The following TYW1 variants were observed in gnomAD, a reference collection of about 807,000 sequenced individuals.
TYW1 encodes S-adenosyl-L-methionine-dependent tRNA 4-demethylwyosine synthase TYW1.
In TYW1, 46 loss-of-function variants were observed where a neutral mutation model predicts 96.2. The ratio of observed to expected loss-of-function variants is 0.48; its 90% CI spans 0.38 to 0.61. TYW1 has a LOEUF of 0.61. TYW1 is among the 20% of genes least tolerant of loss of function. The pLI, the probability that TYW1 is intolerant of heterozygous loss-of-function variation, is 0.00. For missense variants in TYW1, 684 were observed against 909.6 expected (o/e 0.75, Z 3.19); for synonymous variants, 274 against 323.0 (o/e 0.85, Z 1.63).
chr7:67,170,150 A>G (rs1799472675), intron 13 of TYW1, among the ~76,000 whole-genome samples: 1 of 152,056 alleles, frequency 6.6e-6, no homozygotes, highest in Non-Finnish European at 1.5e-5. Context: ...TTGCCTGTGA[A>G]TAACTAGTTG....
chr7:67,209,828 T>C (rs1323680306), intron 15 of TYW1, among the ~76,000 whole-genome samples: 1 of 152,154 alleles, frequency 6.6e-6, no homozygotes, highest in Non-Finnish European at 1.5e-5. Context: ...CGCCTTGGCC[T>C]CTCAAATTGC....
intron 12 of TYW1, among the ~76,000 whole-genome samples, chr7:67,109,291 AAAAAGAAAG>A (rs1797332692): frequency 6.7e-6 from 1 of 149,708 alleles, no homozygotes; most frequent in Non-Finnish European, 1.5e-5. Context: ...AAAAAAAAAA[AAAAAGAAAG>A]AAAATATATT....
At chr7:67,169,584 A>G (rs1381072201) in intron 13 of TYW1, among the ~76,000 whole-genome samples, 3 of 152,162 alleles carry the variant, frequency 2.0e-5, no homozygotes, top group Non-Finnish European at 1.5e-5. Context: ...TATTTTTAGT[A>G]GAGATGGAGT....
intron 13 of TYW1, among the ~76,000 whole-genome samples, chr7:67,134,789 T>C (rs1798191755): frequency 6.6e-6 from 1 of 150,952 alleles, no homozygotes. Context: ...GTTTTTTTTT[T>C]TTTTAATAAT....
At position 67,002,047 on chromosome 7, in the gene TYW1, A is replaced by G. The variant is rs539275085; in HGVS notation, c.273+3093A>G. ...AGAACCTGTCTCAAACAAAAAAAAA[A>G]AAGGAAAGAAGAAAAAAAGAGATAG... is the stretch of plus-strand genomic sequence containing the variant. On this transcript the variant is annotated intron_variant, in intron 3 of 15. Coordinates refer to ENST00000359626, the MANE Select transcript of TYW1 (RefSeq NM_018264.4). 1.5e-3 allele frequency among the ~76,000 whole-genome samples: 226 copies of G among 150,990 alleles called. 2 individuals are homozygous for G. Among genetic ancestry groups the G allele is most frequent in the African/African-American group, 5.3e-3 (220 of 41,222 alleles).
chr7:67,070,216 CTT>C (rs575197728), intron 10 of TYW1, among the ~76,000 whole-genome samples: 109 of 152,242 alleles, frequency 7.2e-4, no homozygotes, highest in African/African-American at 2.6e-3. Flanking sequence ...GTATGGATCT[CTT>C]TGTGTTTGTA....
intron 13 of TYW1, among the ~76,000 whole-genome samples, chr7:67,145,764 G>GT (rs200905081): frequency 0.22 from 33,314 of 151,424 alleles, 3,711 homozygotes; most frequent in South Asian, 0.28. Flanking sequence ...GTTTGTTTGG[G>GT]GTTTTTTTGA....
chr7:67,212,707 A>T (rs1801075431), intron 15 of TYW1, among the ~76,000 whole-genome samples: 1 of 151,734 alleles, frequency 6.6e-6, no homozygotes, highest in South Asian at 2.1e-4. Context: ...AGCTATTCTA[A>T]TAGATTTGTA....
At position 67,063,698 on chromosome 7, in the gene TYW1, G is replaced by C. The variant is rs1379596026; in HGVS notation, c.1156-3587G>C. Among the ~76,000 whole-genome samples, 5 of 151,994 alleles carry C rather than the reference G, an allele frequency of 3.3e-5. No homozygotes were observed. The East Asian group carries it at 9.6e-4, about 29-fold the overall frequency. On this transcript the variant is annotated intron_variant, in intron 9 of 15. Transcript: ENST00000359626. ...GGCTCACTGCAAGTTCCGCCTTCCA[G>C]GTTCCCGTCATTCTCCTGCCTCAGC...
At chr7:67,231,790 C>T (rs1360657499) in intron 15 of TYW1, among the ~76,000 whole-genome samples, 7 of 151,412 alleles carry the variant, frequency 4.6e-5, no homozygotes, top group Admixed American at 4.6e-4. Flanking sequence ...AATGTGGAAA[C>T]TCATGTCCTT....
intron 7 of TYW1, among the ~76,000 whole-genome samples, chr7:67,035,921 C>T (rs1482893638): frequency 2.6e-5 from 4 of 151,310 alleles, no homozygotes; most frequent in Non-Finnish European, 4.4e-5. Flanking sequence ...TTATGATCCG[C>T]CCACCTTGGC....
chr7:67,116,333 A>AG (rs1797592568), intron 12 of TYW1, among the ~76,000 whole-genome samples: 1 of 150,418 alleles, frequency 6.6e-6, no homozygotes, highest in East Asian at 2.0e-4. Context: ...TCAAAAAAAA[A>AG]AAAAGAAAAG....
chr7:67,165,475 G>T (rs4718467), intron 13 of TYW1, among the ~76,000 whole-genome samples: 40,077 of 147,804 alleles, frequency 0.27, 5,984 homozygotes, highest in African/African-American at 0.39. Flanking sequence ...AACCAATTCC[G>T]TGTAACCATC....
chr7:67,168,215 C>T (rs1799411479), intron 13 of TYW1, among the ~76,000 whole-genome samples: 1 of 151,636 alleles, frequency 6.6e-6, no homozygotes, highest in African/African-American at 2.4e-5. Context: ...TGGTGAATTG[C>T]ATTGATTTTC....
chr7:67,006,200 G>A (rs1584453869), intron 3 of TYW1, among the ~76,000 whole-genome samples: 1 of 151,968 alleles, frequency 6.6e-6, no homozygotes, highest in Admixed American at 6.6e-5. Context: ...TACTGTCCTC[G>A]TGACAGTGAG....
intron 7 of TYW1, among the ~76,000 whole-genome samples, chr7:67,033,004 G>C (rs77803935): frequency 0.31 from 44,771 of 143,942 alleles, 6,999 homozygotes; most frequent in East Asian, 0.54. Flanking sequence ...TCAAGCGATT[G>C]TCCTGTGTAA....
chr7:67,197,092 T>C (rs2116348350), intron 15 of TYW1, among the ~76,000 whole-genome samples: 1 of 152,358 alleles, frequency 6.6e-6, no homozygotes, highest in Middle Eastern at 3.4e-3. Flanking sequence ...TCTTGGCCCC[T>C]GTCTCTTTAG....
intron 13 of TYW1, among the ~76,000 whole-genome samples, chr7:67,171,502 CCTTTGT>C (rs1313108605): frequency 6.6e-6 from 1 of 152,006 alleles, no homozygotes; most frequent in Non-Finnish European, 1.5e-5. Flanking sequence ...TGCTTTTACT[CCTTTGT>C]CTTTAATTGT....
chr7:66,998,890 A>G lies in TYW1; in HGVS notation c.209A>G (p.Gln70Arg), dbSNP rs749527876. The G allele has an allele frequency of 2.5e-6, 4 of 1,614,006 alleles. No homozygotes were observed. The highest frequency in any genetic ancestry group is 1.7e-5 in the Admixed American group (1 of 59,994). Reference protein sequence around the residue: ...DLMTNGYVSLQEKDIFVSGVK... With the variant: ...DLMTNGYVSLREKDIFVSGVK... Reference sequence around the variant, plus strand: ...ATGACAAATGGTTATGTCTCCCTTCAAGAGAAAGACATCTTTGTGTCTGGA... The same window carrying G: ...ATGACAAATGGTTATGTCTCCCTTCGAGAGAAAGACATCTTTGTGTCTGGA... The change falls in exon 3 of 16, where the codon CAA (glutamine) becomes CGA (arginine). Residue 70 changes from glutamine (Q) to arginine (R), a missense_variant. Transcript: ENST00000359626.
Sources: gnomAD v4.1 joint callset for allele counts (sites outside exome capture counted in the v4.1 genomes callset) on GRCh38, gnomAD v4.1.1 for gene constraint, MANE v1.5 for transcripts, NCBI Gene and HGNC (gene_info 2026-07-23, HGNC 2026-07-21) for gene names.